Variants in PARN observed in about 807,000 individuals in gnomAD.
PARN encodes the protein poly(A)-specific ribonuclease PARN.
In PARN, 71 loss-of-function variants were observed where a neutral mutation model predicts 102.8. That is an observed-to-expected ratio of 0.69 (90% CI 0.57 to 0.84). The LOEUF (loss-of-function observed/expected upper bound fraction) is 0.84. Ranked by LOEUF, PARN falls within the 40% of genes least tolerant of loss-of-function variation. The probability of loss-of-function intolerance (pLI) is 0.00; values close to 1 mark genes in which losing one functional copy is unlikely to be tolerated. For missense variants in PARN, 782 were observed against 760.9 expected (o/e 1.03, Z -0.33); for synonymous variants, 261 against 252.9 (o/e 1.03, Z -0.30).
chr16:14,614,846 CAAAAAAAAAAAAAAAA>C (rs57502376), intron 6 of PARN, among the ~76,000 whole-genome samples: 437 of 37,724 alleles, frequency 0.012, 8 homozygotes, highest in Admixed American at 0.048. Flanking sequence ...GAAACTGTCT[CAAAAAAAAAAAAAAAA>C]AAAAAAAAAA....
chr16:14,486,933 T>C (rs1354643422), intron 21 of PARN, among the ~76,000 whole-genome samples: 1 of 152,250 alleles, frequency 6.6e-6, no homozygotes, highest in Non-Finnish European at 1.5e-5. Flanking sequence ...GGGAACCAAA[T>C]GTGCTAAGAG....
At chr16:14,514,849 G>A (rs1965380141) in intron 21 of PARN, among the ~76,000 whole-genome samples, 2 of 152,176 alleles carry the variant, frequency 1.3e-5, no homozygotes, top group Admixed American at 1.3e-4. Context: ...GTGGAGTATG[G>A]TCTGGAATAA....
intron 18 of PARN, among the ~76,000 whole-genome samples, chr16:14,568,695 A>G (rs1886144070): frequency 6.6e-6 from 1 of 151,962 alleles, no homozygotes; most frequent in Admixed American, 6.6e-5. Flanking sequence ...GGAGATCAAG[A>G]CTATCCTGTC....
intron 13 of PARN, 117 bp downstream of exon 13, chr16:14,593,184 T>C: frequency 6.5e-6 from 4 of 614,100 alleles, no homozygotes; most frequent in Middle Eastern, 2.6e-4. Flanking sequence ...GGGAACATGC[T>C]GCATACAAGG....
chr16:14,531,731 C>A (rs1022674235), intron 21 of PARN, among the ~76,000 whole-genome samples: 1 of 151,942 alleles, frequency 6.6e-6, no homozygotes, highest in Admixed American at 6.6e-5. Flanking sequence ...CCCCCCCAGA[C>A]AACAACCATG....
chr16:14,536,750 A>T (rs1387424515), intron 21 of PARN, among the ~76,000 whole-genome samples: 1 of 152,204 alleles, frequency 6.6e-6, no homozygotes, highest in African/African-American at 2.4e-5. Flanking sequence ...TTGTGACATG[A>T]TTAATTAAAA....
intron 18 of PARN, among the ~76,000 whole-genome samples, chr16:14,559,163 G>A (rs1478542000): frequency 6.6e-6 from 1 of 151,632 alleles, no homozygotes; most frequent in Non-Finnish European, 1.5e-5. Flanking sequence ...AAAATACCAG[G>A]AAGGATTATA....
At chr16:14,460,523 A>ACT (rs938322050) in intron 22 of PARN, among the ~76,000 whole-genome samples, 7 of 152,092 alleles carry the variant, frequency 4.6e-5, no homozygotes, top group African/African-American at 1.7e-4. Context: ...TGTCCTTTGC[A>ACT]CTCTAAAGGT....
At chr16:14,472,086 C>T (rs1157173872) in intron 22 of PARN, among the ~76,000 whole-genome samples, 7 of 152,190 alleles carry the variant, frequency 4.6e-5, no homozygotes, top group Admixed American at 3.9e-4. Context: ...AGGAAGGAGA[C>T]AAACTACATT....
chr16:14,479,115 T>A (rs1963237373), intron 22 of PARN, among the ~76,000 whole-genome samples: 1 of 151,914 alleles, frequency 6.6e-6, no homozygotes, highest in Non-Finnish European at 1.5e-5. Flanking sequence ...GGTTTGAAAA[T>A]GACATTTAAG....
intron 21 of PARN, among the ~76,000 whole-genome samples, chr16:14,511,231 C>T (rs1306556070): frequency 6.6e-6 from 1 of 152,172 alleles, no homozygotes; most frequent in Non-Finnish European, 1.5e-5. Flanking sequence ...TGAGTTGACA[C>T]AGGGTGATGA....
intron 19 of PARN, among the ~76,000 whole-genome samples, chr16:14,554,631 T>A (rs1004468730): frequency 6.6e-6 from 1 of 151,716 alleles, no homozygotes; most frequent in African/African-American, 2.4e-5. Context: ...TTTGTAGAGA[T>A]GGGGGTCTCG....
At chr16:14,464,568 C>A (rs1962208308) in intron 22 of PARN, among the ~76,000 whole-genome samples, 1 of 151,966 alleles carries the variant, frequency 6.6e-6, no homozygotes. Context: ...CCAGACTGGC[C>A]AACATGGCAA....
chr16:14,441,406 T>C (rs1960933252), intron 23 of PARN, among the ~76,000 whole-genome samples: 2 of 152,236 alleles, frequency 1.3e-5, no homozygotes, highest in African/African-American at 4.8e-5. Context: ...GGCATTGCTT[T>C]TTCCAGGTGA....
chr16:14,558,224 G>A (rs1233526662), intron 18 of PARN: 2 of 152,220 alleles, frequency 1.3e-5, no homozygotes, highest in African/African-American at 2.4e-5. Flanking sequence ...CCTGAGGTCA[G>A]GAGTTTGAGA....
At chr16:14,474,107 C>T (rs1596472922) in intron 22 of PARN, among the ~76,000 whole-genome samples, 1 of 152,174 alleles carries the variant, frequency 6.6e-6, no homozygotes, top group East Asian at 1.9e-4. Context: ...ATTGTACCAC[C>T]TCAACCTCCT....
At chr16:14,458,814 T>C (rs1961813221) in intron 22 of PARN, among the ~76,000 whole-genome samples, 1 of 152,080 alleles carries the variant, frequency 6.6e-6, no homozygotes, top group Non-Finnish European at 1.5e-5. Context: ...AGGAGCTAGA[T>C]AGGAGGTTTA....
chr16:14,466,520 C>T (rs529741412), intron 22 of PARN, among the ~76,000 whole-genome samples: 2 of 152,278 alleles, frequency 1.3e-5, no homozygotes, highest in South Asian at 2.1e-4. Flanking sequence ...AAATTTGTAA[C>T]GTGACAGAGG....
At chr16:14,550,716 G>C (rs1482042912) in intron 21 of PARN, among the ~76,000 whole-genome samples, 1 of 152,140 alleles carries the variant, frequency 6.6e-6, no homozygotes, top group Non-Finnish European at 1.5e-5. Context: ...TAGTTTTACT[G>C]TGCGGCATTT....
Sources: gnomAD v4.1 joint callset for allele counts (sites outside exome capture counted in the v4.1 genomes callset) on GRCh38, gnomAD v4.1.1 for gene constraint, MANE v1.5 for transcripts, NCBI Gene and HGNC (gene_info 2026-07-23, HGNC 2026-07-21) for gene names.